Variants in DPYD observed in about 807,000 individuals in gnomAD.
DPYD encodes dihydropyrimidine dehydrogenase, also known as dihydropyrimidine dehydrogenase [NADP(+)].
In DPYD, 109 loss-of-function variants were observed where a neutral mutation model predicts 116.2. The observed-to-expected ratio is 0.94, with a 90% confidence interval of 0.80 to 1.10. The LOEUF is 1.10. DPYD is among the 50% of genes least tolerant of loss of function. The pLI, the probability that DPYD is intolerant of heterozygous loss-of-function variation, is 0.00. For synonymous variants in DPYD, 440 were observed against 432.0 expected (o/e 1.02, Z -0.23); for missense variants, 1,302 against 1,254.5 (o/e 1.04, Z -0.57).
chr1:97,704,178 A>C (rs993381904), intron 5 of DPYD, among the ~76,000 whole-genome samples: 21 of 152,058 alleles, frequency 1.4e-4, no homozygotes, highest in African/African-American at 5.1e-4. Context: ...TATATACACA[A>C]TATACTTCCA....
At chr1:97,087,259 C>T (rs889785217) in intron 21 of DPYD, among the ~76,000 whole-genome samples, 1 of 152,178 alleles carries the variant, frequency 6.6e-6, no homozygotes, top group African/African-American at 2.4e-5. Flanking sequence ...TGATCTCTTA[C>T]AAAAGCACTT....
At chr1:97,757,468 G>T (rs962745954) in intron 3 of DPYD, among the ~76,000 whole-genome samples, 3 of 152,088 alleles carry the variant, frequency 2.0e-5, no homozygotes, top group African/African-American at 7.2e-5. Context: ...CAAGGAAAAT[G>T]CCAGGTTAGT....
At chr1:97,541,393 G>C (rs1650443505) in intron 12 of DPYD, among the ~76,000 whole-genome samples, 1 of 152,116 alleles carries the variant, frequency 6.6e-6, no homozygotes, top group Non-Finnish European at 1.5e-5. Flanking sequence ...TCAAACCACT[G>C]AAATGACTGC....
chr1:97,373,970 T>C (rs1671449062), intron 15 of DPYD, among the ~76,000 whole-genome samples: 2 of 152,208 alleles, frequency 1.3e-5, no homozygotes, highest in South Asian at 2.1e-4. Context: ...AACTGAAGCA[T>C]AGGGAGGTTA....
intron 14 of DPYD, among the ~76,000 whole-genome samples, chr1:97,393,452 C>T (rs936780977): frequency 5.9e-5 from 9 of 151,768 alleles, no homozygotes; most frequent in African/African-American, 1.9e-4. Context: ...ACTCCCCCCA[C>T]CCCACAACAG....
intron 13 of DPYD, among the ~76,000 whole-genome samples, chr1:97,462,172 A>G (rs190024335): frequency 1.3e-5 from 2 of 152,370 alleles, no homozygotes; most frequent in African/African-American, 2.4e-5. Flanking sequence ...TATTCATAAT[A>G]GCACTCTAAT....
At chr1:97,268,659 T>C (rs1289014154) in intron 18 of DPYD, among the ~76,000 whole-genome samples, 2 of 152,006 alleles carry the variant, frequency 1.3e-5, no homozygotes, top group African/African-American at 4.8e-5. Context: ...AAGCTGAGGG[T>C]GATGGACAAA....
rs114123204 is a variant in DPYD at position 97,396,150 on chromosome 1, T to C, written c.1906-13689A>G. On this transcript the variant is annotated intron_variant, in intron 14 of 22. Transcript: ENST00000370192. ...ATGCTGTGTACTTGCATATGCTGAG[T>C]ACTATGTTTAGAATTTCACATGACT... Among the ~76,000 whole-genome samples the C allele has an allele frequency of 6.7e-3, 1,013 of 152,122 alleles. 11 individuals carry two copies. Among genetic ancestry groups the C allele is most frequent in the African/African-American group, 0.023 (953 of 41,526 alleles).
At chr1:97,602,615 A>G (rs1655326673) in intron 8 of DPYD, among the ~76,000 whole-genome samples, 1 of 151,946 alleles carries the variant, frequency 6.6e-6, no homozygotes, top group African/African-American at 2.4e-5. Flanking sequence ...TGGAAAAAAT[A>G]CATAGATTTT....
intron 12 of DPYD, among the ~76,000 whole-genome samples, chr1:97,522,056 G>C (rs1648720649): frequency 6.6e-6 from 1 of 152,210 alleles, no homozygotes; most frequent in East Asian, 1.9e-4. Flanking sequence ...ATTGACAAAT[G>C]GGATCTAACT....
chr1:97,278,754 T>G (rs1665116831), intron 18 of DPYD, among the ~76,000 whole-genome samples: 1 of 152,214 alleles, frequency 6.6e-6, no homozygotes, highest in African/African-American at 2.4e-5. Context: ...TAGAGAAATC[T>G]ATAACCCTGA....
intron 14 of DPYD, among the ~76,000 whole-genome samples, chr1:97,395,068 C>T (rs759119629): frequency 3.2e-4 from 48 of 151,910 alleles, no homozygotes; most frequent in Non-Finnish European, 8.8e-5. Flanking sequence ...GATGCCTCTC[C>T]TGTGCCCTAT....
chr1:97,093,765 T>G (rs1350471329), intron 21 of DPYD, among the ~76,000 whole-genome samples: 1 of 152,176 alleles, frequency 6.6e-6, no homozygotes, highest in Non-Finnish European at 1.5e-5. Context: ...GGCAATAGTT[T>G]CTGAAGACAT....
At chr1:97,660,653 A>C (rs925507812) in intron 8 of DPYD, among the ~76,000 whole-genome samples, 11 of 152,016 alleles carry the variant, frequency 7.2e-5, no homozygotes, top group Non-Finnish European at 1.5e-4. Context: ...CAACCTTTAG[A>C]TTCTAGTAAA....
At chr1:97,169,761 TC>T (rs1406674613) in intron 20 of DPYD, among the ~76,000 whole-genome samples, 6 of 152,104 alleles carry the variant, frequency 3.9e-5, no homozygotes, top group Non-Finnish European at 8.8e-5. Context: ...TCAAAAATCC[TC>T]CCTGTTGATG....
intron 14 of DPYD, among the ~76,000 whole-genome samples, chr1:97,448,236 A>C (rs1676198724): frequency 6.6e-6 from 1 of 152,146 alleles, no homozygotes; most frequent in Non-Finnish European, 1.5e-5. Flanking sequence ...GTAATACTGA[A>C]TATTTAAGGA....
At chr1:97,643,150 C>T (rs1658035658) in intron 8 of DPYD, among the ~76,000 whole-genome samples, 1 of 151,934 alleles carries the variant, frequency 6.6e-6, no homozygotes, top group African/African-American at 2.4e-5. Flanking sequence ...AACAGGTGAC[C>T]TACAGAATAG....
At chr1:97,530,128 A>G (rs1011664509) in intron 12 of DPYD, among the ~76,000 whole-genome samples, 2 of 150,796 alleles carry the variant, frequency 1.3e-5, no homozygotes, top group South Asian at 4.2e-4. Flanking sequence ...CGGTCTATCC[A>G]TTCTTTCACA....
chr1:97,747,654 T>C (rs1664633416), intron 3 of DPYD, among the ~76,000 whole-genome samples: 1 of 152,350 alleles, frequency 6.6e-6, no homozygotes, highest in Non-Finnish European at 1.5e-5. Flanking sequence ...TAGCTATGTA[T>C]GTACATAGCA....
Sources: allele counts gnomAD v4.1 joint callset (sites outside exome capture counted in the v4.1 genomes callset), GRCh38; gene constraint gnomAD v4.1.1; transcripts MANE v1.5; gene names NCBI Gene and HGNC (gene_info 2026-07-23, HGNC 2026-07-21).